The following NEXMIF variants were observed in gnomAD, a reference collection of about 807,000 sequenced individuals.
The protein encoded by NEXMIF is neurite extension and migration factor, also known as XLMR protein related to neurite extension.
Under a neutral mutation model 62.1 loss-of-function variants are expected in NEXMIF, and 8 were observed. The observed-to-expected ratio is 0.13, with a 90% CI of 0.08 to 0.23. The LOEUF (loss-of-function observed/expected upper bound fraction) is 0.23. Ranked by LOEUF, NEXMIF falls within the 10% of genes least tolerant of loss-of-function variation. NEXMIF has a pLI of 1.00. For synonymous variants in NEXMIF, 404 were observed against 416.6 expected, an observed-to-expected ratio of 0.97 and a Z score of 0.37; for missense variants, 976 against 1,113.3, an observed-to-expected ratio of 0.88 and a Z score of 1.75.
At chrX:74,884,180 A>G (rs983141260) in intron 1 of NEXMIF, among the ~76,000 whole-genome samples, 14 of 112,044 alleles carry the variant, frequency 1.2e-4, no homozygotes, top group Non-Finnish European at 1.5e-4. Flanking sequence ...AGTACCAGCC[A>G]CTGCAAACAC....
At chrX:74,907,539 C>A (rs1246580746) in intron 1 of NEXMIF, among the ~76,000 whole-genome samples, 1 of 110,532 alleles carries the variant, frequency 9.0e-6, no homozygotes, top group Non-Finnish European at 1.9e-5. Flanking sequence ...TGGGAAACGA[C>A]CTTAGAGATC....
In NEXMIF at chrX:74,736,485, C is replaced by A. The variant is rs2080085316; in HGVS notation, c.*2920G>T. 9.0e-6 allele frequency: 1 copy of A among 111,221 alleles called. No individual in the cohort carries two copies. Among genetic ancestry groups the A allele is most frequent in the Non-Finnish European group, 1.9e-5 (1 of 53,012 alleles). The allele number at this position is 111,221 out of a possible 1,213,427, so 9.2% of individuals were successfully genotyped here. A position where few individuals can be genotyped will look rare whatever the true frequency, so the allele number is the denominator to read the frequency against. On this transcript the variant is annotated 3_prime_UTR_variant, in exon 4 of 4. Coordinates refer to ENST00000055682, the MANE Select transcript of NEXMIF (RefSeq NM_001008537.3). ...GGGAAGGTTAGAAGGGAGCGGTAAT[C>A]AGGAATTTCAGACCAAGGATAATAT...
intron 1 of NEXMIF, among the ~76,000 whole-genome samples, chrX:74,887,131 C>G (rs1261566148): frequency 8.9e-6 from 1 of 112,223 alleles, no homozygotes; most frequent in African/African-American, 3.2e-5. Context: ...CTTCCTTACA[C>G]CTTATACAAA....
chrX:74,829,299 T>C (rs1461258179), intron 1 of NEXMIF, among the ~76,000 whole-genome samples: 1 of 112,440 alleles, frequency 8.9e-6, no homozygotes, highest in African/African-American at 3.2e-5. Context: ...ACAGAACATG[T>C]GATGTTTGTA....
intron 1 of NEXMIF, among the ~76,000 whole-genome samples, chrX:74,855,301 C>T (rs959809955): frequency 1.8e-5 from 2 of 111,898 alleles, no homozygotes; most frequent in African/African-American, 6.5e-5. Flanking sequence ...GCACAAAGAA[C>T]GTACATTGGG....
At chrX:74,746,292 G>C (rs1169920630) in intron 1 of NEXMIF, among the ~76,000 whole-genome samples, 2 of 111,957 alleles carry the variant, frequency 1.8e-5, no homozygotes, top group African/African-American at 6.5e-5. Flanking sequence ...ACTTTGACAA[G>C]TATTCCTCCA....
intron 1 of NEXMIF, among the ~76,000 whole-genome samples, chrX:74,806,811 T>C (rs1466798070): frequency 8.9e-6 from 1 of 112,801 alleles, no homozygotes; most frequent in Non-Finnish European, 1.9e-5. Flanking sequence ...AGAAACTATT[T>C]GTTGAAAAGT....
intron 1 of NEXMIF, among the ~76,000 whole-genome samples, chrX:74,798,351 A>C (rs184571707): frequency 4.6e-4 from 52 of 112,421 alleles, no homozygotes; most frequent in Admixed American, 2.2e-3. Flanking sequence ...GCTTAAACCC[A>C]ATAGCTGCTT....
chrX:74,833,948 G>A (rs752215930), intron 1 of NEXMIF, among the ~76,000 whole-genome samples: 26 of 109,151 alleles, frequency 2.4e-4, no homozygotes, highest in Non-Finnish European at 4.6e-4. Flanking sequence ...GAGTCTGACC[G>A]ACATGGAGAA....
Position 74,745,641 on chromosome X carries a change from G to C in NEXMIF, c.10C>G (p.Gln4Glu). The C allele has an allele frequency of 8.5e-7, 1 of 1,175,422 alleles. No homozygotes were observed. The highest frequency in any genetic ancestry group is 1.2e-6 in the Non-Finnish European group (1 of 862,831). ...GAGGCAACAATAGCCTTATCTTGTT[G>C]GTTATCCATGAATATAACCTCTTAT... is the stretch of plus-strand genomic sequence containing the variant. MDN[Q>E]QDKAIVASAN... The change falls in exon 2 of 4, where the codon CAA (glutamine) becomes GAA (glutamate). Residue 4 changes from glutamine to glutamate, a missense_variant. Physicochemically the swap from Gln to Glu is conservative, Grantham distance 29. Transcript: ENST00000055682.
intron 1 of NEXMIF, among the ~76,000 whole-genome samples, chrX:74,852,697 A>C (rs1321888390): frequency 8.9e-6 from 1 of 112,160 alleles, no homozygotes; most frequent in African/African-American, 3.2e-5. Flanking sequence ...CTGAATGACC[A>C]CTGGATTAAA....
At chrX:74,795,570 G>T (rs906306874) in intron 1 of NEXMIF, among the ~76,000 whole-genome samples, 8 of 111,660 alleles carry the variant, frequency 7.2e-5, no homozygotes, top group African/African-American at 1.6e-4. Context: ...ATTCACAGAG[G>T]AATTTTGAGA....
At position 74,743,834 on chromosome X, in the gene NEXMIF, T is replaced by C; in HGVS notation, c.723A>G (p.Leu241=). The change falls in exon 3 of 4, where the codon TTA becomes TTG. Residue 241 remains leucine, a synonymous_variant. Transcript: ENST00000055682. ...AQKSYYEALL[L]DKCNTEEALL... is the part of the protein sequence containing the mutation. ...AAGCTTCTTCTGTATTGCACTTGTC[T>C]AACAGTAATGCCTCATAATAGCTTT... 8.3e-7 allele frequency: 1 copy of C among 1,211,620 alleles called. No homozygotes were observed.
chrX:74,741,456 A>G lies in NEXMIF; in HGVS notation c.3101T>C (p.Leu1034Pro). 4 of 1,211,801 alleles carry G rather than the reference A, an allele frequency of 3.3e-6. No homozygotes were observed. Among genetic ancestry groups the G allele is most frequent in the Non-Finnish European group, 4.5e-6 (4 of 895,533 alleles). ...CTCATCAATGCTTTGCTGGATCACC[A>G]GCTTAGGGCTGCAATGGGCCAGGAA... ...DDFLAHCSPK[L>P]VIQQSIDEIA... Residue 1034 changes from leucine (L) to proline (P), a missense_variant, in exon 3 of 4, where the codon CTG (leucine) becomes CCG (proline). By Grantham distance (98) the Leu-to-Pro change is moderately conservative. This residue lies in a region of NEXMIF where 639 missense variants were observed against 694.5 expected (regional missense o/e 0.92). Coordinates refer to ENST00000055682, the MANE Select transcript of NEXMIF (RefSeq NM_001008537.3).
rs556665779 is a variant in NEXMIF at position 74,843,571 on chromosome X, C to T, written c.-48+81312G>A. On this transcript the variant is annotated intron_variant, in intron 1 of 3. Transcript: ENST00000055682. ...CTGGGACTACAGGCGCCTGCCAACA[C>T]GCACAGCTAATTTTTTGTATTTTTA... Among the ~76,000 whole-genome samples the T allele has an allele frequency of 9.2e-4, 102 of 110,417 alleles. No homozygotes were observed. In the South Asian group the frequency reaches 0.013, roughly 14 times the overall value.
At position 74,740,732 on chromosome X, in the gene NEXMIF, A is replaced by G. The variant is rs779149502; in HGVS notation, c.3825T>C (p.Ser1275=). ...CCCAATCTCCAGAAAGTCCCTTTTG[A>G]CTTGGCATCTTCATAGAGGCCATAG... ...GGPMASMKMP[S]QKGLSGDWAL... is the part of the protein sequence containing the mutation. The change falls in exon 3 of 4, where the codon AGT becomes AGC. Residue 1275 remains serine, a synonymous_variant. Coordinates refer to ENST00000055682, the MANE Select transcript of NEXMIF (RefSeq NM_001008537.3). The G allele has an allele frequency of 3.3e-6, 4 of 1,210,878 alleles. No individual in the cohort carries two copies. The highest frequency in any genetic ancestry group is 4.5e-6 in the Non-Finnish European group (4 of 895,407).
intron 1 of NEXMIF, among the ~76,000 whole-genome samples, chrX:74,886,598 T>G (rs2080694646): frequency 9.0e-6 from 1 of 111,071 alleles, no homozygotes; most frequent in South Asian, 3.8e-4. Flanking sequence ...ACAAGGGATG[T>G]GAAGGACCTC....
chrX:74,812,957 C>G (rs2080365035), intron 1 of NEXMIF, among the ~76,000 whole-genome samples: 1 of 111,728 alleles, frequency 9.0e-6, no homozygotes, highest in East Asian at 2.8e-4. Context: ...AAAAAAAGCA[C>G]AAGTCTAAGA....
chrX:74,856,355 T>C (rs748880935), intron 1 of NEXMIF, among the ~76,000 whole-genome samples: 1 of 111,669 alleles, frequency 9.0e-6, no homozygotes, highest in East Asian at 2.8e-4. Context: ...AACTTGAAGA[T>C]ATATTGATTG....
Sources: allele counts gnomAD v4.1 joint callset (sites outside exome capture counted in the v4.1 genomes callset), GRCh38; gene constraint gnomAD v4.1.1; regional missense constraint gnomAD v4.1.1; transcripts MANE v1.5; gene names NCBI Gene and HGNC (gene_info 2026-07-23, HGNC 2026-07-21).